ZNF407: variants seen among roughly 807,000 people sequenced by gnomAD.
ZNF407 encodes the protein zinc finger protein 407.
In ZNF407, 17 loss-of-function variants were observed where a neutral mutation model predicts 131.2. The ratio of observed to expected loss-of-function variants is 0.13; its 90% CI spans 0.09 to 0.19. The LOEUF (loss-of-function observed/expected upper bound fraction) is 0.19. Among genes scored for constraint, ZNF407 ranks in the 10% least tolerant of loss-of-function variants. The probability of loss-of-function intolerance (pLI) is 1.00; values close to 1 mark genes in which losing one functional copy is unlikely to be tolerated. For missense variants in ZNF407, 2,681 were observed against 2,830.6 expected (o/e 0.95, Z 1.20); for synonymous variants, 1,156 against 1,062.0 (o/e 1.09, Z -1.72).
chr18:74,927,646 G>A (rs967487036), intron 8 of ZNF407, among the ~76,000 whole-genome samples: 1 of 152,170 alleles, frequency 6.6e-6, no homozygotes, highest in African/African-American at 2.4e-5. Context: ...TTTTGAACAT[G>A]AGGTTCAAAT....
At chr18:74,658,276 G>A (rs1251826654) in intron 3 of ZNF407, among the ~76,000 whole-genome samples, 2 of 151,978 alleles carry the variant, frequency 1.3e-5, no homozygotes, top group Admixed American at 1.3e-4. Flanking sequence ...GCGCCACCAT[G>A]CCCAGCTAAT....
chr18:74,743,216 G>T (rs998767042), intron 3 of ZNF407, among the ~76,000 whole-genome samples: 5 of 152,138 alleles, frequency 3.3e-5, no homozygotes, highest in Non-Finnish European at 5.9e-5. Flanking sequence ...GACACATTTG[G>T]TTTAGTTGTG....
chr18:74,627,342 G>T (rs1983827557), intron 1 of ZNF407, among the ~76,000 whole-genome samples: 1 of 152,158 alleles, frequency 6.6e-6, no homozygotes, highest in South Asian at 2.1e-4. Context: ...GCATCTACAG[G>T]CAAGAATACT....
rs138884094 is a variant in ZNF407, at chr18:74,781,550, A to G, written c.4877+48A>G. The G allele has an allele frequency of 2.5e-3, 3,516 of 1,388,632 alleles. 4 individuals are homozygous for G. Among genetic ancestry groups the G allele is most frequent in the Non-Finnish European group, 3.2e-3 (3,317 of 1,039,222 alleles). The allele number at this position is 1,388,632 out of a possible 1,614,324, so 86.0% of individuals were successfully genotyped here. On this transcript the variant is annotated intron_variant, in intron 4 of 8. Coordinates refer to ENST00000299687, the MANE Select transcript of ZNF407 (RefSeq NM_017757.3). ...CATTTAAAAATACAATTTGATTTTTATTTTAGGCTTTATTTAATGACATGA... is the reference window on the plus strand; with the variant it reads ...CATTTAAAAATACAATTTGATTTTTGTTTTAGGCTTTATTTAATGACATGA...
At chr18:75,060,531 A>G (rs1349801985) in intron 8 of ZNF407, among the ~76,000 whole-genome samples, 1 of 103,240 alleles carries the variant, frequency 9.7e-6, no homozygotes, top group African/African-American at 3.7e-5. Flanking sequence ...TTTGCGACGG[A>G]GTCTCGCTCT....
intron 1 of ZNF407, among the ~76,000 whole-genome samples, chr18:74,611,461 A>T (rs1367421195): frequency 6.6e-6 from 1 of 152,250 alleles, no homozygotes; most frequent in East Asian, 1.9e-4. Flanking sequence ...TGACCTAAGT[A>T]GGCATTTCAC....
intron 3 of ZNF407, among the ~76,000 whole-genome samples, chr18:74,734,192 A>G (rs1367670605): frequency 3.3e-5 from 5 of 152,080 alleles, no homozygotes; most frequent in Admixed American, 2.0e-4. Flanking sequence ...TAAATCCTCA[A>G]TGTCACGCCA....
chr18:74,681,700 T>G (rs1341569655), intron 3 of ZNF407, among the ~76,000 whole-genome samples: 1 of 152,222 alleles, frequency 6.6e-6, no homozygotes, highest in African/African-American at 2.4e-5. Flanking sequence ...CTCTGAAGTT[T>G]CCCATCCTAA....
intron 3 of ZNF407, among the ~76,000 whole-genome samples, chr18:74,755,723 T>TC (rs1568199751): frequency 5.7e-5 from 7 of 123,616 alleles, no homozygotes; most frequent in Non-Finnish European, 8.3e-5. Flanking sequence ...CTCTCTTCTT[T>TC]CTTTCCTTTC....
intron 8 of ZNF407, among the ~76,000 whole-genome samples, chr18:75,025,366 T>C (rs570743335): frequency 6.6e-6 from 1 of 152,342 alleles, no homozygotes; most frequent in Non-Finnish European, 1.5e-5. Context: ...TCATAAACTT[T>C]GAACAATGTC....
intron 3 of ZNF407, among the ~76,000 whole-genome samples, chr18:74,776,352 T>C (rs1330553875): frequency 6.6e-6 from 1 of 152,226 alleles, no homozygotes; most frequent in Non-Finnish European, 1.5e-5. Flanking sequence ...TATTTTGTTG[T>C]AGAAGCCCTG....
chr18:74,686,156 T>C (rs1967092391), intron 3 of ZNF407, among the ~76,000 whole-genome samples: 1 of 152,224 alleles, frequency 6.6e-6, no homozygotes. Flanking sequence ...TCACTTTGGG[T>C]TTTCCCAGTG....
At chr18:74,845,807 A>G (rs999979256) in intron 4 of ZNF407, among the ~76,000 whole-genome samples, 2 of 152,228 alleles carry the variant, frequency 1.3e-5, no homozygotes, top group African/African-American at 2.4e-5. Flanking sequence ...ATAGCAGAGA[A>G]TAAGTAAATC....
intron 3 of ZNF407, among the ~76,000 whole-genome samples, chr18:74,712,770 T>C (rs1038809400): frequency 3.3e-5 from 5 of 152,064 alleles, no homozygotes; most frequent in African/African-American, 1.2e-4. Flanking sequence ...TGTAGAAGCA[T>C]TGAGGTTTTG....
chr18:74,727,718 A>C (rs1568185380), intron 3 of ZNF407, among the ~76,000 whole-genome samples: 1 of 152,234 alleles, frequency 6.6e-6, no homozygotes. Flanking sequence ...GCAGATAGCA[A>C]GTCGCCATGC....
At chr18:74,935,902 T>G (rs1428282145) in intron 8 of ZNF407, among the ~76,000 whole-genome samples, 2 of 152,262 alleles carry the variant, frequency 1.3e-5, no homozygotes, top group Non-Finnish European at 2.9e-5. Flanking sequence ...AATGGTTTCC[T>G]AATGTATTAT....
chr18:75,032,677 A>G (rs1198312796), intron 8 of ZNF407, among the ~76,000 whole-genome samples: 3 of 151,210 alleles, frequency 2.0e-5, no homozygotes, highest in African/African-American at 4.9e-5. Context: ...TTAGGTAACT[A>G]AGACTGCTCA....
chr18:74,632,514 G>A lies in ZNF407; in HGVS notation c.1495G>A (p.Ala499Thr), dbSNP rs754359640. 2.5e-6 allele frequency: 4 copies of A among 1,614,018 alleles called. No homozygotes were observed. Among genetic ancestry groups the A allele is most frequent in the Non-Finnish European group, 3.4e-6 (4 of 1,179,908 alleles). ...TGTGACTACCTCAGAAACCCAGGAGGCAGAGCAGGGCCAGGGGAGTGCCCG... is the reference window on the plus strand; with the variant it reads ...TGTGACTACCTCAGAAACCCAGGAGACAGAGCAGGGCCAGGGGAGTGCCCG... ...VCVTTSETQE[A>T]EQGQGSARPP... Residue 499 changes from alanine to threonine, a missense_variant, in exon 2 of 9, where the codon GCA becomes ACA. Ala to Thr is a moderately conservative substitution (Grantham distance 58, BLOSUM62 0). Coordinates refer to ENST00000299687, the MANE Select transcript of ZNF407 (RefSeq NM_017757.3).
At chr18:74,673,601 T>C (rs1381916340) in intron 3 of ZNF407, among the ~76,000 whole-genome samples, 2 of 152,202 alleles carry the variant, frequency 1.3e-5, no homozygotes, top group East Asian at 1.9e-4. Context: ...TGGACATCTT[T>C]GGGGTTCATT....
Sources: allele counts gnomAD v4.1 joint callset (sites outside exome capture counted in the v4.1 genomes callset), GRCh38; gene constraint gnomAD v4.1.1; transcripts MANE v1.5; gene names NCBI Gene and HGNC (gene_info 2026-07-23, HGNC 2026-07-21).